Variants in ZDHHC20 observed in about 807,000 individuals in gnomAD.
The protein encoded by ZDHHC20 is palmitoyltransferase ZDHHC20.
Under a neutral mutation model 57.8 loss-of-function variants are expected in ZDHHC20, and 43 were observed. The ratio of observed to expected loss-of-function variants is 0.74; its 90% CI spans 0.58 to 0.96. The LOEUF is 0.96. Among genes scored for constraint, ZDHHC20 ranks in the 40% least tolerant of loss-of-function variants. The pLI, the probability that ZDHHC20 is intolerant of heterozygous loss-of-function variation, is 0.00. For missense variants in ZDHHC20, 391 were observed against 441.1 expected (o/e 0.89, Z 1.02); for synonymous variants, 157 against 153.0 (o/e 1.03, Z -0.19).
chr13:21,376,651 T>A lies in ZDHHC20; in HGVS notation c.*45A>T. ...AAAATACCAGTCTATAATGTTTTCA[T>A]ACACCTACAAAAAAAGAAACAAATT... On this transcript the variant is annotated 3_prime_UTR_variant, in exon 13 of 13. Coordinates refer to ENST00000400590, the MANE Select transcript of ZDHHC20 (RefSeq NM_001330059.2). The A allele has an allele frequency of 7.1e-7, 1 of 1,416,236 alleles. No individual in the cohort carries two copies. Among genetic ancestry groups the A allele is most frequent in the Admixed American group, 2.6e-5 (1 of 38,254 alleles). 87.7% of individuals were successfully genotyped at this position (1,416,236 alleles called of 1,614,324 possible). A position where few individuals can be genotyped will look rare whatever the true frequency, so the allele number is the denominator to read the frequency against.
At position 21,399,113 on chromosome 13, in the gene ZDHHC20, C is replaced by T. The variant is rs1006168398; in HGVS notation, c.594+1260G>A. On this transcript the variant is annotated intron_variant, in intron 7 of 12. Coordinates refer to ENST00000400590, the MANE Select transcript of ZDHHC20 (RefSeq NM_001330059.2). ...ATCCCAGCACTTTGGGAGGCCAAGG[C>T]GGGCAAATCACTTGAAGTCAGGAGC... 1.1e-4 allele frequency among the ~76,000 whole-genome samples: 17 copies of T among 152,160 alleles called. No individual in the cohort carries two copies. In the South Asian group the frequency reaches 3.5e-3, roughly 32 times the overall value.
chr13:21,393,190 T>TTCC (rs1876079767), intron 7 of ZDHHC20, among the ~76,000 whole-genome samples: 1 of 140,234 alleles, frequency 7.1e-6, no homozygotes, highest in Non-Finnish European at 1.5e-5. Flanking sequence ...TTCTTTTTTC[T>TTCC]TTTTTTTTTT....
chr13:21,408,892 C>T (rs768980905), intron 4 of ZDHHC20, among the ~76,000 whole-genome samples: 3 of 151,842 alleles, frequency 2.0e-5, no homozygotes, highest in Admixed American at 6.6e-5. Context: ...GTCATTGGTT[C>T]GATGTGATGG....
chr13:21,424,380 AAAAC>A lies in ZDHHC20; in HGVS notation c.145+1268_145+1271del, dbSNP rs201437647. ...CAAAAATCACCCGTAACTGAATTTA[AAAAC>A]AAACAAGCTAACAACAACAAAAGAC... On this transcript the variant is annotated intron_variant, in intron 2 of 12. Coordinates refer to ENST00000400590, the MANE Select transcript of ZDHHC20 (RefSeq NM_001330059.2). Among the ~76,000 whole-genome samples the A allele has an allele frequency of 8.0e-3, 1,221 of 152,276 alleles. 19 individuals carry two copies. The highest frequency in any genetic ancestry group is 0.028 in the African/African-American group (1,153 of 41,554).
chr13:21,393,111 A>G (rs533786414), intron 7 of ZDHHC20, among the ~76,000 whole-genome samples: 47 of 152,280 alleles, frequency 3.1e-4, no homozygotes, highest in African/African-American at 1.1e-3. Flanking sequence ...ATGGCCATCT[A>G]TAACATTTTC....
Position 21,374,004 on chromosome 13 carries a change from T to C in ZDHHC20, c.*2692A>G, listed in dbSNP as rs1871606680. 1 of 152,280 alleles carries C rather than the reference T, an allele frequency of 6.6e-6. No individual in the cohort carries two copies. Among genetic ancestry groups the C allele is most frequent in the Non-Finnish European group, 1.5e-5 (1 of 68,090 alleles). The allele number at this position is 152,280 out of a possible 1,614,324, so 9.4% of individuals were successfully genotyped here. On this transcript the variant is annotated 3_prime_UTR_variant, in exon 13 of 13. Coordinates refer to ENST00000400590, the MANE Select transcript of ZDHHC20 (RefSeq NM_001330059.2). ...ATTAAAGATGTTAAATAACAAAAAT[T>C]AAAAGAACTGAGAAAGACTATACCA...
intron 9 of ZDHHC20, among the ~76,000 whole-genome samples, chr13:21,384,917 A>C (rs1419174354): frequency 1.3e-5 from 2 of 152,162 alleles, no homozygotes; most frequent in Non-Finnish European, 2.9e-5. Context: ...ACCCAATCAA[A>C]AGTTACTGGA....
At chr13:21,388,726 C>G (rs1875070160) in intron 8 of ZDHHC20, among the ~76,000 whole-genome samples, 1 of 152,204 alleles carries the variant, frequency 6.6e-6, no homozygotes, top group Admixed American at 6.5e-5. Flanking sequence ...CATCTTAAAT[C>G]TGTAGCTATA....
intron 9 of ZDHHC20, among the ~76,000 whole-genome samples, chr13:21,383,227 C>T (rs577424829): frequency 7.6e-4 from 116 of 152,230 alleles, no homozygotes; most frequent in African/African-American, 2.6e-3. Flanking sequence ...ATAATTCCCA[C>T]TGTCAAGGGA....
chr13:21,447,556 T>C (rs1204737182), intron 1 of ZDHHC20, among the ~76,000 whole-genome samples: 1 of 146,870 alleles, frequency 6.8e-6, no homozygotes, highest in Non-Finnish European at 1.5e-5. Flanking sequence ...GGTGCCGGGA[T>C]TGCAGAGGGA....
chr13:21,378,597 T>TTA lies in ZDHHC20; in HGVS notation c.*40+62_*40+63dup, dbSNP rs1179819446. On this transcript the variant is annotated intron_variant, in intron 12 of 12. Transcript: ENST00000400590. ...CTAAAAAAATACAACTGCAAATTGT[T>TTA]TAAAGATTATGAAATATGCAAATAA... The TTA allele has an allele frequency of 4.1e-6, 4 of 971,104 alleles. No homozygotes were observed. The African/African-American group carries it at 6.7e-5, about 16-fold the overall frequency. 60.2% of individuals were successfully genotyped at this position (971,104 alleles called of 1,614,324 possible). A position where few individuals can be genotyped will look rare whatever the true frequency, so the allele number is the denominator to read the frequency against.
intron 10 of ZDHHC20, among the ~76,000 whole-genome samples, chr13:21,382,422 T>A (rs907888262): frequency 2.0e-5 from 3 of 152,248 alleles, no homozygotes; most frequent in Non-Finnish European, 4.4e-5. Flanking sequence ...ACTGAATGTA[T>A]GAAAGTTTAC....
intron 1 of ZDHHC20, among the ~76,000 whole-genome samples, chr13:21,451,925 C>T (rs541184178): frequency 6.1e-5 from 9 of 148,018 alleles, no homozygotes; most frequent in African/African-American, 1.5e-4. Flanking sequence ...ACTCAGGAGG[C>T]GGAGGTTGCA....
In ZDHHC20 at chr13:21,376,563, T is replaced by A; in HGVS notation, c.*133A>T. ...TACAAAGGCTTTCCGTTTTAAAAAATATATCTTCTGTTATACTTCAGTTAT... is the reference window on the plus strand; with the variant it reads ...TACAAAGGCTTTCCGTTTTAAAAAAAATATCTTCTGTTATACTTCAGTTAT... On this transcript the variant is annotated 3_prime_UTR_variant, in exon 13 of 13. Coordinates refer to ENST00000400590, the MANE Select transcript of ZDHHC20 (RefSeq NM_001330059.2). The A allele has an allele frequency of 9.1e-7, 1 of 1,093,500 alleles. No homozygotes were observed. The highest frequency in any genetic ancestry group is 3.5e-5 in the Admixed American group (1 of 28,580). 67.7% of individuals were successfully genotyped at this position (1,093,500 alleles called of 1,614,324 possible). A position where few individuals can be genotyped will look rare whatever the true frequency, so the allele number is the denominator to read the frequency against.
chr13:21,434,105 T>C (rs1395060206), intron 1 of ZDHHC20, among the ~76,000 whole-genome samples: 1 of 151,832 alleles, frequency 6.6e-6, no homozygotes, highest in Non-Finnish European at 1.5e-5. Flanking sequence ...TGTGTGTGTG[T>C]CTGTGTGTCT....
intron 7 of ZDHHC20, 114 bp from the exon 8 acceptor site, chr13:21,391,968 TA>T: frequency 8.3e-7 from 1 of 1,200,668 alleles, no homozygotes; most frequent in East Asian, 2.6e-5. Flanking sequence ...TGAAAACTAA[TA>T]AATTACTTAA....
intron 4 of ZDHHC20, among the ~76,000 whole-genome samples, chr13:21,403,253 C>A (rs559024479): frequency 1.3e-5 from 2 of 151,188 alleles, no homozygotes; most frequent in South Asian, 4.2e-4. Flanking sequence ...ACTTTTAAGG[C>A]ATCCTGTGGG....
Position 21,407,269 on chromosome 13 carries a change from T to C in ZDHHC20, c.371-4403A>G, listed in dbSNP as rs567997271. Among the ~76,000 whole-genome samples, 22 of 152,242 alleles carry C rather than the reference T, an allele frequency of 1.4e-4. No individual in the cohort carries two copies. In the South Asian group the frequency reaches 1.5e-3, roughly 10 times the overall value. On this transcript the variant is annotated intron_variant, in intron 4 of 12. Transcript: ENST00000400590. ...TCGGCCTCCCAAAGTGCTGGGATTA[T>C]AGGTGTGAGCCACCACACCCAGTTT...
chr13:21,401,810 A>T, intron 5 of ZDHHC20, 125 bp from the exon 6 acceptor site: 1 of 791,360 alleles, frequency 1.3e-6, no homozygotes, highest in Non-Finnish European at 1.9e-6. Flanking sequence ...ATCAACCCAG[A>T]AACTAGGTTA....
Sources: gnomAD v4.1 joint callset for allele counts (sites outside exome capture counted in the v4.1 genomes callset) on GRCh38, gnomAD v4.1.1 for gene constraint, MANE v1.5 for transcripts, NCBI Gene and HGNC (gene_info 2026-07-23, HGNC 2026-07-21) for gene names.